The following RIT2 variants were observed in gnomAD, a reference collection of about 807,000 sequenced individuals.
RIT2 encodes GTP-binding protein Rit2.
A neutral mutation model predicts 23.7 loss-of-function variants in RIT2; 24 were observed. The ratio of observed to expected loss-of-function variants is 1.01; its 90% CI spans 0.73 to 1.43. The LOEUF (loss-of-function observed/expected upper bound fraction) is 1.43. Among genes scored for constraint, RIT2 ranks in the 40% most tolerant of loss-of-function variants. The pLI, the probability that RIT2 is intolerant of heterozygous loss-of-function variation, is 0.00. For synonymous variants in RIT2, 107 were observed against 91.1 expected (o/e 1.17, Z -0.99); for missense variants, 236 against 266.9 (o/e 0.88, Z 0.81).
At chr18:43,011,526 A>T (rs1004274723) in intron 2 of RIT2, among the ~76,000 whole-genome samples, 2 of 151,852 alleles carry the variant, frequency 1.3e-5, no homozygotes, top group Non-Finnish European at 2.9e-5. Context: ...AGTTTGGTAC[A>T]GAAGAATAAC....
intron 2 of RIT2, among the ~76,000 whole-genome samples, chr18:43,003,062 G>A (rs1316325127): frequency 1.3e-5 from 2 of 151,898 alleles, no homozygotes; most frequent in Non-Finnish European, 2.9e-5. Context: ...AAAGAGCAAG[G>A]AAACATTCTC....
intron 4 of RIT2, among the ~76,000 whole-genome samples, chr18:42,893,005 A>G (rs1293957140): frequency 6.6e-6 from 1 of 152,170 alleles, no homozygotes; most frequent in Non-Finnish European, 1.5e-5. Flanking sequence ...TTGTATCACA[A>G]TAGATGGTCA....
rs571465183 is a variant in RIT2, at chr18:43,109,309, C to A, written c.103+6108G>T. On this transcript the variant is annotated intron_variant, in intron 1 of 4. Coordinates refer to ENST00000326695, the MANE Select transcript of RIT2 (RefSeq NM_002930.4). ...TCTAATAAATTCTGAGTTCCCTAAT[C>A]CTTTTTGGGTTTTCAGTTTATTTGT... 2.6e-5 allele frequency among the ~76,000 whole-genome samples: 4 copies of A among 152,284 alleles called. No individual in the cohort carries two copies. In the East Asian group the frequency reaches 5.8e-4, roughly 22 times the overall value.
At chr18:42,763,864 G>A (rs1913361104) in intron 4 of RIT2, among the ~76,000 whole-genome samples, 1 of 151,794 alleles carries the variant, frequency 6.6e-6, no homozygotes, top group Admixed American at 6.6e-5. Flanking sequence ...CTTTTAAAAA[G>A]TAAGACACAA....
chr18:42,847,687 A>G (rs897848320), intron 4 of RIT2, among the ~76,000 whole-genome samples: 1 of 151,898 alleles, frequency 6.6e-6, no homozygotes, highest in African/African-American at 2.4e-5. Context: ...TGCTGGAGAG[A>G]TAGTTGGAAT....
intron 1 of RIT2, among the ~76,000 whole-genome samples, chr18:43,034,747 A>C (rs929062710): frequency 2.0e-5 from 3 of 152,072 alleles, no homozygotes; most frequent in Non-Finnish European, 4.4e-5. Context: ...CCCACTTGTC[A>C]AATCCTGCTA....
chr18:42,846,879 G>A (rs1166827324), intron 4 of RIT2, among the ~76,000 whole-genome samples: 2 of 152,048 alleles, frequency 1.3e-5, no homozygotes, highest in Non-Finnish European at 2.9e-5. Context: ...GTCATGAATA[G>A]CCACTGATAA....
At chr18:42,965,151 T>C (rs754496593) in intron 3 of RIT2, among the ~76,000 whole-genome samples, 4 of 152,238 alleles carry the variant, frequency 2.6e-5, no homozygotes, top group African/African-American at 4.8e-5. Flanking sequence ...ACATGATCCA[T>C]GTCCAATACT....
Position 43,038,182 on chromosome 18 carries a change from G to A in RIT2, c.104-4315C>T, listed in dbSNP as rs181840728. Among the ~76,000 whole-genome samples the A allele has an allele frequency of 5.8e-3, 757 of 130,232 alleles. 5 individuals are homozygous for A. The highest frequency in any genetic ancestry group is 0.014 in the South Asian group (55 of 3,850). 85.4% of individuals were successfully genotyped at this position (130,232 alleles called of 152,430 possible). On this transcript the variant is annotated intron_variant, in intron 1 of 4. Transcript: ENST00000326695. Reference sequence around the variant, plus strand: ...ATTGCGCCACTGCACTCCAGCCTGGGCGACAGAGTGAGACTCTGTCTCAAA... The same window carrying A: ...ATTGCGCCACTGCACTCCAGCCTGGACGACAGAGTGAGACTCTGTCTCAAA...
intron 3 of RIT2, among the ~76,000 whole-genome samples, chr18:42,945,493 T>G (rs543323735): frequency 6.6e-6 from 1 of 152,190 alleles, no homozygotes; most frequent in South Asian, 2.1e-4. Flanking sequence ...AGGCTGAACA[T>G]GCGTCCAAGA....
chr18:43,095,149 A>G (rs148708728), intron 1 of RIT2, among the ~76,000 whole-genome samples: 1 of 152,186 alleles, frequency 6.6e-6, no homozygotes, highest in East Asian at 1.9e-4. Flanking sequence ...TGTCCTCCAC[A>G]ATGGTTGAAC....
At chr18:42,755,558 A>G (rs1250280914) in intron 4 of RIT2, among the ~76,000 whole-genome samples, 1 of 152,114 alleles carries the variant, frequency 6.6e-6, no homozygotes, top group Non-Finnish European at 1.5e-5. Flanking sequence ...GCACTTAATT[A>G]CTATCTGAAT....
chr18:42,960,515 A>G (rs965045213), intron 3 of RIT2, among the ~76,000 whole-genome samples: 1 of 152,092 alleles, frequency 6.6e-6, no homozygotes, highest in African/African-American at 2.4e-5. Context: ...GGGTTTCACC[A>G]TGTTGGCCAG....
intron 1 of RIT2, among the ~76,000 whole-genome samples, chr18:43,094,944 C>G (rs4550545): frequency 6.6e-6 from 1 of 151,952 alleles, no homozygotes; most frequent in African/African-American, 2.4e-5. Flanking sequence ...ACCACATTTT[C>G]TTAATCCATT....
At chr18:42,761,101 C>G (rs929848283) in intron 4 of RIT2, among the ~76,000 whole-genome samples, 1 of 152,196 alleles carries the variant, frequency 6.6e-6, no homozygotes, top group Non-Finnish European at 1.5e-5. Flanking sequence ...TCTCTTCAAT[C>G]TGTTGAGAGA....
chr18:43,000,919 T>C (rs1363112400), intron 2 of RIT2, among the ~76,000 whole-genome samples: 1 of 151,996 alleles, frequency 6.6e-6, no homozygotes, highest in Non-Finnish European at 1.5e-5. Context: ...TGAAGTGAAG[T>C]ATTTACAAAA....
Position 43,106,876 on chromosome 18 carries a change from A to G in RIT2, c.103+8541T>C, listed in dbSNP as rs979594815. ...TAGCTGGTCCCTGCTGAGCAATGAG[A>G]AGGACAGGTAGCACTGTTTGGTCAG... On this transcript the variant is annotated intron_variant, in intron 1 of 4. Transcript: ENST00000326695. Among the ~76,000 whole-genome samples the G allele has an allele frequency of 3.3e-5, 5 of 152,194 alleles. No homozygotes were observed. In the South Asian group the frequency reaches 1.0e-3, roughly 32 times the overall value.
Position 43,013,846 on chromosome 18 carries a change from A to G in RIT2, c.160+19965T>C, listed in dbSNP as rs146178416. On this transcript the variant is annotated intron_variant, in intron 2 of 4. Transcript: ENST00000326695. ...GGCCCTGACATCCTCTCCTGGGCAT[A>G]CTTCTCACAAACTAGGTCCTTTTGG... Among the ~76,000 whole-genome samples, 75 of 151,826 alleles carry G rather than the reference A, an allele frequency of 4.9e-4. 1 individual carries two copies. In the East Asian group the frequency reaches 0.014, roughly 29 times the overall value.
rs1913261677 is a variant in RIT2, at chr18:43,085,486, C to T, written c.103+29931G>A. On this transcript the variant is annotated intron_variant, in intron 1 of 4. Coordinates refer to ENST00000326695, the MANE Select transcript of RIT2 (RefSeq NM_002930.4). Reference sequence around the variant, plus strand: ...TAACTTTGTACCCTTTGCTCAATATCTTCTCTTTTTTCATTCTTCTCCTTT... The same window carrying T: ...TAACTTTGTACCCTTTGCTCAATATTTTCTCTTTTTTCATTCTTCTCCTTT... 3.9e-5 allele frequency among the ~76,000 whole-genome samples: 6 copies of T among 152,164 alleles called. No homozygotes were observed. The South Asian group carries it at 1.2e-3, about 32-fold the overall frequency.
Sources: gnomAD v4.1 joint callset for allele counts (sites outside exome capture counted in the v4.1 genomes callset) on GRCh38, gnomAD v4.1.1 for gene constraint, MANE v1.5 for transcripts, NCBI Gene and HGNC (gene_info 2026-07-23, HGNC 2026-07-21) for gene names.